Variants in SLC35F3 observed in about 807,000 individuals in gnomAD.
SLC35F3 encodes the protein solute carrier family 35 member F3.
Under a neutral mutation model 49.9 loss-of-function variants are expected in SLC35F3, and 25 were observed. The ratio of observed to expected loss-of-function variants is 0.50; its 90% confidence interval spans 0.37 to 0.70. The LOEUF (loss-of-function observed/expected upper bound fraction) is 0.70, where lower values mean the gene tolerates loss of function less well. Among genes scored for constraint, SLC35F3 ranks in the 30% least tolerant of loss-of-function variants. The probability of loss-of-function intolerance (pLI) is 0.00; values close to 1 mark genes in which losing one functional copy is unlikely to be tolerated. For missense variants in SLC35F3, 525 were observed against 639.8 expected (o/e 0.82, Z 1.94); for synonymous variants, 275 against 265.4 (o/e 1.04, Z -0.35).
chr1:234,140,523 G>T (rs1665896849), intron 2 of SLC35F3, among the ~76,000 whole-genome samples: 1 of 152,116 alleles, frequency 6.6e-6, no homozygotes, highest in Non-Finnish European at 1.5e-5. Flanking sequence ...CCCATCCAGT[G>T]GGGGGTCTTG....
chr1:234,266,180 C>T (rs1247916744), intron 3 of SLC35F3, among the ~76,000 whole-genome samples: 2 of 152,132 alleles, frequency 1.3e-5, no homozygotes, highest in East Asian at 3.8e-4. Flanking sequence ...TAGAGTAGTG[C>T]CTGGTGTAGA....
chr1:234,052,272 C>G (rs1448785853), intron 2 of SLC35F3, among the ~76,000 whole-genome samples: 1 of 152,080 alleles, frequency 6.6e-6, no homozygotes, highest in Non-Finnish European at 1.5e-5. Context: ...TGGTCCTGGA[C>G]TTTTTTTGTT....
At chr1:233,963,716 C>G (rs776242043) in intron 2 of SLC35F3, among the ~76,000 whole-genome samples, 20 of 152,220 alleles carry the variant, frequency 1.3e-4, no homozygotes, top group Non-Finnish European at 2.1e-4. Context: ...GCTCTTCAGC[C>G]TCTCAGATGT....
At chr1:234,322,863 C>A in intron 7 of SLC35F3, 145 bp from the exon 8 acceptor site, 2 of 690,234 alleles carry the variant, frequency 2.9e-6, no homozygotes, top group South Asian at 1.9e-5. Flanking sequence ...CCACCTGGAA[C>A]AAAATCATAC....
chr1:234,111,633 CA>C (rs1665408038), intron 2 of SLC35F3, among the ~76,000 whole-genome samples: 1 of 152,212 alleles, frequency 6.6e-6, no homozygotes, highest in Non-Finnish European at 1.5e-5. Context: ...GAAGAGCCAG[CA>C]GCACAGTGGC....
chr1:234,275,572 T>A (rs1668191292), intron 3 of SLC35F3, among the ~76,000 whole-genome samples: 1 of 134,422 alleles, frequency 7.4e-6, no homozygotes, highest in Non-Finnish European at 1.6e-5. Flanking sequence ...TGTAGGTAGG[T>A]AGTTAGGTAG....
At chr1:234,314,946 C>T (rs1657448491) in intron 4 of SLC35F3, among the ~76,000 whole-genome samples, 2 of 152,212 alleles carry the variant, frequency 1.3e-5, no homozygotes, top group Admixed American at 1.3e-4. Flanking sequence ...GAGCAGAAAC[C>T]AACCCTTTCC....
intron 2 of SLC35F3, among the ~76,000 whole-genome samples, chr1:234,147,759 A>G (rs2102906872): frequency 6.6e-6 from 1 of 152,354 alleles, no homozygotes; most frequent in African/African-American, 2.4e-5. Flanking sequence ...TTTTACTTTC[A>G]GACCCTTAGA....
intron 2 of SLC35F3, among the ~76,000 whole-genome samples, chr1:234,083,839 C>CTTT (rs35359755): frequency 8.7e-5 from 12 of 138,168 alleles, no homozygotes; most frequent in South Asian, 4.6e-4. Flanking sequence ...TTGGTTTTGG[C>CTTT]TTTTTTTTTT....
chr1:234,136,398 A>T (rs995054570), intron 2 of SLC35F3, among the ~76,000 whole-genome samples: 13 of 144,704 alleles, frequency 9.0e-5, no homozygotes, highest in African/African-American at 2.8e-4. Flanking sequence ...TTTCCTAGAG[A>T]CAGGGTCTCA....
chr1:234,108,512 T>TATATATTATTTATTTATATAAAA (rs1327594031), intron 2 of SLC35F3, among the ~76,000 whole-genome samples: 1 of 102,350 alleles, frequency 9.8e-6, no homozygotes. Flanking sequence ...TATATATAAA[T>TATATATTATTTATTTATATAAAA]GATATATATT....
intron 3 of SLC35F3, among the ~76,000 whole-genome samples, chr1:234,276,875 T>C (rs1317266018): frequency 6.6e-6 from 1 of 152,224 alleles, no homozygotes; most frequent in Non-Finnish European, 1.5e-5. Flanking sequence ...AGCTAGGGCC[T>C]TGCTATAAAT....
At chr1:234,066,171 T>C (rs1028697487) in intron 2 of SLC35F3, among the ~76,000 whole-genome samples, 31 of 152,230 alleles carry the variant, frequency 2.0e-4, no homozygotes, top group Non-Finnish European at 7.3e-5. Flanking sequence ...TGAAGACTGA[T>C]GAAGAGAAGC....
rs183851527 is a variant in SLC35F3, at chr1:234,088,616, A to T, written c.284-142801A>T. On this transcript the variant is annotated intron_variant, in intron 2 of 7. Transcript: ENST00000366618. ...AGAAGTACCGAATTAAAATATTTTC[A>T]GTTTAGTTTGTCTAGTACTTTTTAA... Among the ~76,000 whole-genome samples the T allele has an allele frequency of 2.2e-4, 34 of 152,282 alleles. No homozygotes were observed. In the East Asian group the frequency reaches 6.4e-3, roughly 29 times the overall value.
At chr1:234,117,959 T>TATATACAC in intron 2 of SLC35F3, among the ~76,000 whole-genome samples, 1 of 87,862 alleles carries the variant, frequency 1.1e-5, no homozygotes, top group East Asian at 3.0e-4. Flanking sequence ...TGTGTGTGTG[T>TATATACAC]GTGTGTATAT....
At chr1:234,039,729 C>G (rs776831365) in intron 2 of SLC35F3, among the ~76,000 whole-genome samples, 1 of 152,206 alleles carries the variant, frequency 6.6e-6, no homozygotes, top group African/African-American at 2.4e-5. Flanking sequence ...CTCAACCCCT[C>G]GTGGGAGAGA....
chr1:234,267,065 G>A (rs993894314), intron 3 of SLC35F3, among the ~76,000 whole-genome samples: 1 of 141,176 alleles, frequency 7.1e-6, no homozygotes, highest in African/African-American at 2.7e-5. Flanking sequence ...TTAAGATTAG[G>A]GAGTGGTGAT....
Position 234,214,661 on chromosome 1 carries a change from C to A in SLC35F3, c.284-16756C>A. 1 of 1,445,582 alleles carries A rather than the reference C, an allele frequency of 6.9e-7. No individual in the cohort carries two copies. The allele number at this position is 1,445,582 out of a possible 1,614,324, so 89.5% of individuals were successfully genotyped here. A position where few individuals can be genotyped will look rare whatever the true frequency, so the allele number is the denominator to read the frequency against. ...TGAGGGGGGCTGTCTGGCTGCGGGG[C>A]GCCGGGGCTGGGGGTACTGCTCCCC... On this transcript the variant is annotated intron_variant, in intron 2 of 7. Transcript: ENST00000366618. This position sits in a 1 kb window ranked among gnomAD's most constrained non-coding sequence, Gnocchi z 8.0.
chr1:234,030,602 A>T (rs1181201221), intron 2 of SLC35F3, among the ~76,000 whole-genome samples: 1 of 152,208 alleles, frequency 6.6e-6, no homozygotes, highest in East Asian at 1.9e-4. Flanking sequence ...GTACGGGATT[A>T]AATACCTAAC....
Sources: gnomAD v4.1 joint callset for allele counts (sites outside exome capture counted in the v4.1 genomes callset) on GRCh38, gnomAD v4.1.1 for gene constraint, Gnocchi (gnomAD v3.1) non-coding constraint, MANE v1.5 for transcripts, NCBI Gene and HGNC (gene_info 2026-07-23, HGNC 2026-07-21) for gene names.